Variants in FBXL17 observed in about 807,000 individuals in gnomAD.
FBXL17 encodes the protein F-box and leucine rich repeat protein 17, also known as F-box/LRR-repeat protein 17.
FBXL17 carries 22 observed loss-of-function variants against 66.2 expected under a neutral mutation model. The ratio of observed to expected loss-of-function variants is 0.33; its 90% confidence interval spans 0.24 to 0.47. The LOEUF (loss-of-function observed/expected upper bound fraction) is 0.47, where lower values mean the gene tolerates loss of function less well. FBXL17 is among the 20% of genes least tolerant of loss of function. The probability of loss-of-function intolerance (pLI) is 1.00; values close to 1 mark genes in which losing one functional copy is unlikely to be tolerated. For missense variants in FBXL17, 878 were observed against 948.2 expected (o/e 0.93, Z 0.97); for synonymous variants, 474 against 400.5 (o/e 1.18, Z -2.19).
intron 6 of FBXL17, among the ~76,000 whole-genome samples, chr5:108,122,432 A>T (rs1301129574): frequency 6.6e-6 from 1 of 152,226 alleles, no homozygotes; most frequent in Non-Finnish European, 1.5e-5. Flanking sequence ...TCACAAATTA[A>T]GTATATTGTT....
intron 5 of FBXL17, among the ~76,000 whole-genome samples, chr5:108,197,620 T>C (rs1364889859): frequency 6.6e-6 from 1 of 152,216 alleles, no homozygotes; most frequent in African/African-American, 2.4e-5. Flanking sequence ...TACACTGGCC[T>C]CTTGATCTTG....
At chr5:108,227,406 T>C (rs1396472443) in intron 4 of FBXL17, among the ~76,000 whole-genome samples, 1 of 152,240 alleles carries the variant, frequency 6.6e-6, no homozygotes, top group Non-Finnish European at 1.5e-5. Flanking sequence ...TTTCTTCATG[T>C]TTCCCAAAGA....
intron 1 of FBXL17, among the ~76,000 whole-genome samples, chr5:108,374,179 T>C (rs768313282): frequency 2.0e-5 from 3 of 152,252 alleles, no homozygotes; most frequent in East Asian, 1.9e-4. Context: ...AACTGAACAC[T>C]TGAACAAGAC....
At chr5:108,230,869 A>T (rs563247734) in intron 4 of FBXL17, among the ~76,000 whole-genome samples, 1 of 152,284 alleles carries the variant, frequency 6.6e-6, no homozygotes, top group South Asian at 2.1e-4. Flanking sequence ...TGGGTGCACC[A>T]AAATCTCACA....
At chr5:108,161,161 G>GATAGATACATACATAC (rs376656671) in intron 6 of FBXL17, among the ~76,000 whole-genome samples, 358 of 149,306 alleles carry the variant, frequency 2.4e-3, no homozygotes, top group African/African-American at 8.1e-3. Flanking sequence ...TCAACAAATA[G>GATAGATACATACATAC]ATACATACAT....
chr5:108,306,707 A>G (rs895291329), intron 4 of FBXL17, among the ~76,000 whole-genome samples: 3 of 152,030 alleles, frequency 2.0e-5, no homozygotes, highest in African/African-American at 7.2e-5. Flanking sequence ...TATAAAAGAC[A>G]GGGGATAGCA....
At chr5:108,285,570 C>T (rs1225971692) in intron 4 of FBXL17, among the ~76,000 whole-genome samples, 1 of 151,796 alleles carries the variant, frequency 6.6e-6, no homozygotes, top group African/African-American at 2.4e-5. Context: ...TAACCACATA[C>T]ATTGTCAATG....
chr5:107,986,071 C>T (rs1561353437), intron 7 of FBXL17, among the ~76,000 whole-genome samples: 1 of 152,038 alleles, frequency 6.6e-6, no homozygotes, highest in East Asian at 1.9e-4. Flanking sequence ...TAAGTCTACT[C>T]TTTTGACTAG....
chr5:108,114,342 CTT>C (rs1305211783), intron 6 of FBXL17, among the ~76,000 whole-genome samples: 27 of 152,202 alleles, frequency 1.8e-4, no homozygotes, highest in South Asian at 1.2e-3. Context: ...TAAGTTGTCT[CTT>C]GTTTCCAAAT....
Position 108,025,704 on chromosome 5 carries a change from A to C in FBXL17, c.1746-4703T>G, listed in dbSNP as rs200797215. Among the ~76,000 whole-genome samples, 715 of 123,398 alleles carry C rather than the reference A, an allele frequency of 5.8e-3. 5 individuals carry two copies. The highest frequency in any genetic ancestry group is 0.029 in the African/African-American group (622 of 21,578). 81.0% of individuals were successfully genotyped at this position (123,398 alleles called of 152,430 possible). On this transcript the variant is annotated intron_variant, in intron 6 of 8. Transcript: ENST00000542267. ...ATACACACACACACACACACACACAAACACACACACACACGCGCGCGCGCA... is the reference window on the plus strand; with the variant it reads ...ATACACACACACACACACACACACACACACACACACACACGCGCGCGCGCA...
At chr5:108,141,688 G>A (rs912614049) in intron 6 of FBXL17, among the ~76,000 whole-genome samples, 2 of 152,112 alleles carry the variant, frequency 1.3e-5, no homozygotes, top group African/African-American at 4.8e-5. Context: ...CCTCAAGATG[G>A]CATCCTAATC....
intron 4 of FBXL17, among the ~76,000 whole-genome samples, chr5:108,283,031 T>C (rs896990953): frequency 1.5e-4 from 22 of 151,640 alleles, no homozygotes; most frequent in Non-Finnish European, 3.0e-4. Flanking sequence ...AAACAGCCCA[T>C]GCTCACAGAT....
intron 5 of FBXL17, among the ~76,000 whole-genome samples, chr5:108,187,554 G>A (rs1372538428): frequency 6.6e-6 from 1 of 152,182 alleles, no homozygotes; most frequent in Non-Finnish European, 1.5e-5. Context: ...AATCATGAAA[G>A]GGATTCAAGC....
intron 6 of FBXL17, among the ~76,000 whole-genome samples, chr5:108,154,188 TGA>T (rs543516657): frequency 9.7e-5 from 13 of 134,584 alleles, no homozygotes; most frequent in African/African-American, 1.1e-4. Context: ...AATGGGAGAA[TGA>T]GAGAGAGAGA....
intron 3 of FBXL17, among the ~76,000 whole-genome samples, chr5:108,361,956 G>A (rs554547383): frequency 7.9e-5 from 12 of 152,232 alleles, no homozygotes; most frequent in African/African-American, 2.4e-4. Context: ...GTGAGGCACA[G>A]GCAAGTAAAA....
At chr5:108,225,761 T>C (rs1755074073) in intron 4 of FBXL17, among the ~76,000 whole-genome samples, 1 of 152,202 alleles carries the variant, frequency 6.6e-6, no homozygotes, top group South Asian at 2.1e-4. Flanking sequence ...CACTCTCTCT[T>C]GATCTCATAG....
At chr5:108,141,314 CCCAA>C (rs1316091073) in intron 6 of FBXL17, among the ~76,000 whole-genome samples, 1 of 152,094 alleles carries the variant, frequency 6.6e-6, no homozygotes, top group African/African-American at 2.4e-5. Flanking sequence ...ACCCACCAAC[CCCAA>C]CACACACACA....
intron 7 of FBXL17, among the ~76,000 whole-genome samples, chr5:107,980,050 A>T (rs1428358630): frequency 6.6e-6 from 1 of 152,198 alleles, no homozygotes; most frequent in Non-Finnish European, 1.5e-5. Flanking sequence ...AAGAAGTGTC[A>T]CTTGACCACA....
At chr5:108,326,267 C>A (rs1358583322) in intron 4 of FBXL17, among the ~76,000 whole-genome samples, 5 of 151,902 alleles carry the variant, frequency 3.3e-5, no homozygotes, top group African/African-American at 7.3e-5. Flanking sequence ...ACTCTTATAA[C>A]ATGTAAGAAG....
Sources: gnomAD v4.1 joint callset for allele counts (sites outside exome capture counted in the v4.1 genomes callset) on GRCh38, gnomAD v4.1.1 for gene constraint, MANE v1.5 for transcripts, NCBI Gene and HGNC (gene_info 2026-07-23, HGNC 2026-07-21) for gene names.